CCDC192: variants seen among roughly 807,000 people sequenced by gnomAD.
CCDC192 encodes the protein coiled-coil domain-containing protein 192.
intron 5 of CCDC192, among the ~76,000 whole-genome samples, chr5:127,804,510 C>A (rs928327740): frequency 6.6e-6 from 1 of 152,150 alleles, no homozygotes; most frequent in Non-Finnish European, 1.5e-5. Context: ...GCTGCTTGAA[C>A]CAGAACTGTC....
chr5:127,908,303 T>C (rs928969827), intron 6 of CCDC192, among the ~76,000 whole-genome samples: 4 of 152,206 alleles, frequency 2.6e-5, no homozygotes, highest in Non-Finnish European at 5.9e-5. Flanking sequence ...AGCTCTTTGA[T>C]ATGGGACAAA....
At chr5:127,812,317 C>T (rs1474622376) in intron 5 of CCDC192, among the ~76,000 whole-genome samples, 3 of 152,098 alleles carry the variant, frequency 2.0e-5, no homozygotes, top group East Asian at 1.9e-4. Flanking sequence ...TGTTCAGCAT[C>T]GTGATTATCT....
chr5:127,873,866 A>C (rs976876667), intron 5 of CCDC192, among the ~76,000 whole-genome samples: 1 of 152,214 alleles, frequency 6.6e-6, no homozygotes, highest in African/African-American at 2.4e-5. Context: ...ACAGAGGTAT[A>C]TATTAAAATG....
At chr5:127,937,621 T>G (rs1480794256) in intron 6 of CCDC192, among the ~76,000 whole-genome samples, 1 of 152,242 alleles carries the variant, frequency 6.6e-6, no homozygotes. Context: ...CCACCCCATC[T>G]GTAGTACTTT....
At chr5:127,922,653 A>G (rs906542550) in intron 6 of CCDC192, among the ~76,000 whole-genome samples, 1 of 152,212 alleles carries the variant, frequency 6.6e-6, no homozygotes, top group African/African-American at 2.4e-5. Flanking sequence ...AAGTACGAGG[A>G]TCACTTGAGC....
chr5:127,829,346 C>A (rs968959586), intron 5 of CCDC192, among the ~76,000 whole-genome samples: 1 of 150,382 alleles, frequency 6.6e-6, no homozygotes, highest in Non-Finnish European at 1.5e-5. Flanking sequence ...AATTTAGATC[C>A]TCTTTTATAT....
intron 2 of CCDC192, among the ~76,000 whole-genome samples, chr5:127,717,928 C>CA: frequency 0.3 from 29,391 of 97,828 alleles, 3,956 homozygotes; most frequent in South Asian, 0.4. Context: ...TAAAGCTAGA[C>CA]AAAAAAAAAA....
intron 6 of CCDC192, among the ~76,000 whole-genome samples, chr5:127,914,996 C>T (rs568357676): frequency 6.6e-6 from 1 of 152,240 alleles, no homozygotes; most frequent in Non-Finnish European, 1.5e-5. Flanking sequence ...ATTCAAATTA[C>T]ATTATTCCTG....
At chr5:127,841,271 C>T (rs558223893) in intron 5 of CCDC192, among the ~76,000 whole-genome samples, 4 of 152,222 alleles carry the variant, frequency 2.6e-5, no homozygotes, top group East Asian at 3.9e-4. Context: ...CACATAATTT[C>T]GGAGTATATT....
chr5:127,707,632 G>GT, intron 1 of CCDC192, 77 bp from the exon 2 acceptor site: 1 of 395,884 alleles, frequency 2.5e-6, no homozygotes, highest in Non-Finnish European at 4.5e-6. Context: ...TCTATTCATT[G>GT]TATGTGCGGG....
At chr5:127,712,365 A>G (rs776581435) in intron 2 of CCDC192, among the ~76,000 whole-genome samples, 6 of 152,118 alleles carry the variant, frequency 3.9e-5, no homozygotes, top group Middle Eastern at 3.2e-3. Context: ...GAATAGATTA[A>G]CATCCTCCCT....
At chr5:127,857,146 G>A (rs1328981985) in intron 5 of CCDC192, among the ~76,000 whole-genome samples, 4 of 152,132 alleles carry the variant, frequency 2.6e-5, no homozygotes, top group Non-Finnish European at 5.9e-5. Flanking sequence ...TCTTCAAATA[G>A]AGCTACATCT....
chr5:127,805,654 A>G (rs1440499996), intron 5 of CCDC192, among the ~76,000 whole-genome samples: 1 of 152,180 alleles, frequency 6.6e-6, no homozygotes, highest in Admixed American at 6.5e-5. Context: ...TCTAAATGGA[A>G]CATTCCTCAG....
chr5:127,916,153 T>C (rs1197542258), intron 6 of CCDC192, among the ~76,000 whole-genome samples: 1 of 152,258 alleles, frequency 6.6e-6, no homozygotes, highest in African/African-American at 2.4e-5. Flanking sequence ...ATAGCTTCTA[T>C]TTCAATAAAA....
At chr5:127,789,479 C>T (rs1756744217) in intron 3 of CCDC192, among the ~76,000 whole-genome samples, 1 of 152,240 alleles carries the variant, frequency 6.6e-6, no homozygotes, top group Non-Finnish European at 1.5e-5. Context: ...GCTAAATTAT[C>T]TTTGCATTCT....
intron 5 of CCDC192, among the ~76,000 whole-genome samples, chr5:127,843,680 C>T (rs192372673): frequency 2.6e-5 from 4 of 152,174 alleles, no homozygotes; most frequent in East Asian, 3.9e-4. Flanking sequence ...TCAGGTGATC[C>T]GCCTGCCTGG....
chr5:127,770,361 TC>T (rs1232610155), intron 3 of CCDC192, among the ~76,000 whole-genome samples: 2 of 149,968 alleles, frequency 1.3e-5, no homozygotes, highest in East Asian at 1.9e-4. Flanking sequence ...TTTAGTACAA[TC>T]CCCCCAAAGG....
At chr5:127,717,928 C>CAAAAAAAAAAAAAAAAAAAAA in intron 2 of CCDC192, among the ~76,000 whole-genome samples, 2 of 98,072 alleles carry the variant, frequency 2.0e-5, no homozygotes, top group Non-Finnish European at 4.1e-5. Flanking sequence ...TAAAGCTAGA[C>CAAAAAAAAAAAAAAAAAAAAA]AAAAAAAAAA....
intron 5 of CCDC192, among the ~76,000 whole-genome samples, chr5:127,819,039 A>T (rs1480441380): frequency 6.6e-6 from 1 of 152,142 alleles, no homozygotes. Flanking sequence ...TTCCTGTGAG[A>T]TTATTAACTG....
Sources: allele counts gnomAD v4.1 joint callset (sites outside exome capture counted in the v4.1 genomes callset), GRCh38; gene constraint gnomAD v4.1.1; transcripts MANE v1.5; gene names NCBI Gene and HGNC (gene_info 2026-07-23, HGNC 2026-07-21).